The following ZSCAN31 variants were observed in gnomAD, a reference collection of about 807,000 sequenced individuals.
ZSCAN31 encodes zinc finger and SCAN domain containing 31.
In ZSCAN31, 14 loss-of-function variants were observed where a neutral mutation model predicts 22.5. The observed-to-expected ratio is 0.62, with a 90% CI of 0.41 to 0.97. ZSCAN31 has a LOEUF of 0.97. Among genes scored for constraint, ZSCAN31 ranks in the 50% least tolerant of loss-of-function variants. The pLI is 0.00. For missense variants in ZSCAN31, 424 were observed against 483.4 expected, an observed-to-expected ratio of 0.88 and a Z score of 1.15; for synonymous variants, 168 against 169.8, an observed-to-expected ratio of 0.99 and a Z score of 0.08.
In ZSCAN31 at chr6:28,331,645, C is replaced by T. The variant is rs148856329; in HGVS notation, c.-95-1867G>A. Among the ~76,000 whole-genome samples, 466 of 152,292 alleles carry T rather than the reference C, an allele frequency of 3.1e-3. 1 individual carries two copies. The highest frequency in any genetic ancestry group is 4.7e-3 in the Non-Finnish European group (317 of 68,014). ...CATCTGGTAATTTGGTTTGTTGAGT[C>T]TTCAGTGCAGAAGACTGAAAGTCTG... On this transcript the variant is annotated intron_variant, in intron 1 of 3. Coordinates refer to ENST00000344279, the MANE Select transcript of ZSCAN31 (RefSeq NM_030899.5). This position sits in a 1 kb window ranked among gnomAD's most constrained non-coding sequence, Gnocchi z 4.8.
chr6:28,329,801 TA>T (rs1305105521), intron 1 of ZSCAN31, 23 bp from the exon 2 acceptor site: 1 of 1,264,364 alleles, frequency 7.9e-7, no homozygotes, highest in Non-Finnish European at 1.1e-6. Flanking sequence ...CATTATATAT[TA>T]ATGGAAATAA....
chr6:28,335,075 C>T (rs1764037737), intron 1 of ZSCAN31, among the ~76,000 whole-genome samples: 1 of 152,134 alleles, frequency 6.6e-6, no homozygotes, highest in Non-Finnish European at 1.5e-5. Context: ...ACCTCGGTTT[C>T]GCCGCAAAGC....
In ZSCAN31 at chr6:28,329,537, C is replaced by T; in HGVS notation, c.147G>A (p.Glu49=). The change falls in exon 2 of 4, where the codon GAG becomes GAA. Residue 49 remains glutamate (E), a synonymous_variant. Coordinates refer to ENST00000344279, the MANE Select transcript of ZSCAN31 (RefSeq NM_030899.5). Reference sequence around the variant, plus strand: ...TCAGAGCTTCTCGGGGACCAGGAGTCTCTTGGTAACAAAACTGCCTAAAAA... The same window carrying T: ...TCAGAGCTTCTCGGGGACCAGGAGTTTCTTGGTAACAAAACTGCCTAAAAA... ...RQLFRQFCYQ[E]TPGPREALSR... The T allele has an allele frequency of 6.2e-7, 1 of 1,614,196 alleles. No individual in the cohort carries two copies. The highest frequency in any genetic ancestry group is 2.2e-5 in the East Asian group (1 of 44,874).
intron 1 of ZSCAN31, among the ~76,000 whole-genome samples, chr6:28,334,166 A>C (rs951395506): frequency 2.6e-5 from 4 of 152,244 alleles, no homozygotes; most frequent in Non-Finnish European, 5.9e-5. Flanking sequence ...TTTATAGCTC[A>C]TGAGGATATA....
chr6:28,327,342 C>T, intron 3 of ZSCAN31, 41 bp downstream of exon 3: 1 of 1,611,370 alleles, frequency 6.2e-7, no homozygotes, highest in Admixed American at 1.7e-5. Flanking sequence ...CCTATATAGA[C>T]CCACCAGAGA....
At position 28,325,944 on chromosome 6, in the gene ZSCAN31, A is replaced by T; in HGVS notation, c.*222T>A. 2.3e-6 allele frequency: 1 copy of T among 444,026 alleles called. No homozygotes were observed. The allele number at this position is 444,026 out of a possible 1,614,324, so 27.5% of individuals were successfully genotyped here. ...CCCCTACAATCACAGTCATCCACAC[A>T]GGAGACACCAACACCTGGTTTGTAG... is the stretch of plus-strand genomic sequence containing the variant. On this transcript the variant is annotated 3_prime_UTR_variant, in exon 4 of 4. Transcript: ENST00000344279.
At chr6:28,354,073 C>T in intron 1 of ZSCAN31, 2 of 406,996 alleles carry the variant, frequency 4.9e-6, no homozygotes, top group Non-Finnish European at 9.9e-6. Context: ...TCTGTGGCTC[C>T]TGCCGCTCCC....
chr6:28,329,834 A>T lies in ZSCAN31; in HGVS notation c.-95-56T>A, dbSNP rs565705423. 1.1e-4 allele frequency: 98 copies of T among 888,672 alleles called. No homozygotes were observed. In the African/African-American group the frequency reaches 1.5e-3, roughly 14 times the overall value. The allele number at this position is 888,672 out of a possible 1,614,324, so 55.0% of individuals were successfully genotyped here. A position where few individuals can be genotyped will look rare whatever the true frequency, so the allele number is the denominator to read the frequency against. On this transcript the variant is annotated intron_variant, in intron 1 of 3. Transcript: ENST00000344279. ...ATAAATCATAAAGTAGTGGGGAAAA[A>T]AGCAAAGTATGGAAACATGAATGGT... is the stretch of plus-strand genomic sequence containing the variant.
At position 28,351,292 on chromosome 6, in the gene ZSCAN31, C is replaced by T. The variant is rs1252945267; in HGVS notation, c.-371+2570G>A. On this transcript the variant is annotated intron_variant, in intron 2 of 7. Coordinates refer to the ZSCAN31 transcript ENST00000396838. This position sits in a 1 kb window ranked among gnomAD's most constrained non-coding sequence, Gnocchi z 4.6. ...TGTGGAATAAATGATATAAATGTAT[C>T]AGTGTTGTTTTCCTGCCATAGACTT... 2.0e-5 allele frequency among the ~76,000 whole-genome samples: 3 copies of T among 152,110 alleles called. No individual in the cohort carries two copies. The highest frequency in any genetic ancestry group is 1.3e-4 in the Admixed American group (2 of 15,268).
chr6:28,328,887 G>T (rs1763518514), intron 2 of ZSCAN31, among the ~76,000 whole-genome samples: 1 of 152,192 alleles, frequency 6.6e-6, no homozygotes, highest in Non-Finnish European at 1.5e-5. Flanking sequence ...TATGGCTTCA[G>T]CTGGTCCCTC....
Position 28,351,744 on chromosome 6 carries a change from C to G in ZSCAN31, c.-371+2118G>C, listed in dbSNP as rs923644734. 6.6e-6 allele frequency among the ~76,000 whole-genome samples: 1 copy of G among 151,612 alleles called. No homozygotes were observed. Among genetic ancestry groups the G allele is most frequent in the African/African-American group, 2.4e-5 (1 of 41,202 alleles). On this transcript the variant is annotated intron_variant, in intron 2 of 7. Transcript: ENST00000396838. This position sits in a 1 kb window ranked among gnomAD's most constrained non-coding sequence, Gnocchi z 4.6. Reference sequence around the variant, plus strand: ...TTCCTTTCCTTCCCTCCCTCTCCCCCTCTTTATCTCTTTTTTTTCCTCATT... The same window carrying G: ...TTCCTTTCCTTCCCTCCCTCTCCCCGTCTTTATCTCTTTTTTTTCCTCATT...
At chr6:28,332,416 C>A (rs1178231491) in intron 1 of ZSCAN31, 1 of 152,190 alleles carries the variant, frequency 6.6e-6, no homozygotes. Context: ...ATGGAATAAA[C>A]TATTTAAAAT....
Position 28,326,511 on chromosome 6 carries a change from C to T in ZSCAN31, c.876G>A (p.Glu292=), listed in dbSNP as rs776552125. 1 of 1,614,214 alleles carries T rather than the reference C, an allele frequency of 6.2e-7. No homozygotes were observed. The highest frequency in any genetic ancestry group is 8.5e-7 in the Non-Finnish European group (1 of 1,180,040). The change falls in exon 4 of 4, where the codon GAG becomes GAA. Residue 292 remains glutamate, a synonymous_variant. Coordinates refer to ENST00000344279, the MANE Select transcript of ZSCAN31 (RefSeq NM_030899.5). ...CACACTCCTTACATTGATAGGGTTTCTCTCCAGTGTGGCTCCGCCGATGTT... is the reference window on the plus strand; with the variant it reads ...CACACTCCTTACATTGATAGGGTTTTTCTCCAGTGTGGCTCCGCCGATGTT... ...LNEHRRSHTG[E]KPYQCKECGK...
At position 28,326,704 on chromosome 6, in the gene ZSCAN31, T is replaced by A. The variant is rs1763304293; in HGVS notation, c.683A>T (p.Lys228Met). 2 of 1,614,076 alleles carry A rather than the reference T, an allele frequency of 1.2e-6. No individual in the cohort carries two copies. Among genetic ancestry groups the A allele is most frequent in the Non-Finnish European group, 8.5e-7 (1 of 1,180,030 alleles). ...ETCKRDSKAE[K>M]QQAHSTGERR... ...CTCTCCAGTGGAATGTGCCTGCTGCTTTTCTGCCTTGCTGTCTCGTTTACA... is the reference window on the plus strand; with the variant it reads ...CTCTCCAGTGGAATGTGCCTGCTGCATTTCTGCCTTGCTGTCTCGTTTACA... Residue 228 changes from lysine (K) to methionine (M), a missense_variant, in exon 4 of 4, where the codon AAG (lysine) becomes ATG (methionine). Transcript: ENST00000344279.
intron 2 of ZSCAN31, among the ~76,000 whole-genome samples, chr6:28,343,626 C>A (rs1211956983): frequency 6.9e-6 from 1 of 144,422 alleles, no homozygotes; most frequent in Non-Finnish European, 1.5e-5. Flanking sequence ...TCACTGCAAG[C>A]TCTGCCTCCC....
chr6:28,342,459 C>A (rs1224352652), intron 2 of ZSCAN31, among the ~76,000 whole-genome samples: 1 of 152,178 alleles, frequency 6.6e-6, no homozygotes, highest in South Asian at 2.1e-4. Flanking sequence ...ACAGCAAAAT[C>A]TGGCTAGATA....
rs1445090979 is a variant in ZSCAN31, at chr6:28,347,869, T to C, written c.-371+5993A>G. Among the ~76,000 whole-genome samples, 1 of 152,264 alleles carries C rather than the reference T, an allele frequency of 6.6e-6. No individual in the cohort carries two copies. Among genetic ancestry groups the C allele is most frequent in the Non-Finnish European group, 1.5e-5 (1 of 68,048 alleles). The stretch of plus-strand genomic sequence containing the variant: ...TACCAATTTATAGTCCCAGCAACTG[T>C]GTATGACAGTCTCAAAATTTTCACA... On this transcript the variant is annotated intron_variant, in intron 2 of 7. Transcript: ENST00000396838. The surrounding 1 kb of genome is among the most constrained non-coding windows in gnomAD (Gnocchi z 5.2).
chr6:28,352,186 T>G (rs905313557), intron 2 of ZSCAN31, among the ~76,000 whole-genome samples: 9 of 152,248 alleles, frequency 5.9e-5, no homozygotes, highest in African/African-American at 2.2e-4. Context: ...ATTCTGGATT[T>G]GGTCGATTGC....
chr6:28,341,815 G>A (rs1764425090), intron 2 of ZSCAN31: 2 of 152,192 alleles, frequency 1.3e-5, no homozygotes, highest in South Asian at 4.1e-4. Context: ...AAGAAAAGTT[G>A]GGGTAGCTTA....
Sources: gnomAD v4.1 joint callset for allele counts (sites outside exome capture counted in the v4.1 genomes callset) on GRCh38, gnomAD v4.1.1 for gene constraint, Gnocchi (gnomAD v3.1) non-coding constraint, MANE v1.5 for transcripts, NCBI Gene and HGNC (gene_info 2026-07-23, HGNC 2026-07-21) for gene names.